Variants in GRID2 observed in about 807,000 individuals in gnomAD.
GRID2 encodes glutamate ionotropic receptor delta type subunit 2.
In GRID2, 33 loss-of-function variants were observed where a neutral mutation model predicts 114.8. The ratio of observed to expected loss-of-function variants is 0.29; its 90% CI spans 0.22 to 0.38. The LOEUF (loss-of-function observed/expected upper bound fraction) is 0.38. GRID2 is among the 10% of genes least tolerant of loss of function. The pLI, the probability that GRID2 is intolerant of heterozygous loss-of-function variation, is 1.00. For synonymous variants in GRID2, 505 were observed against 449.9 expected, an observed-to-expected ratio of 1.12 and a Z score of -1.55; for missense variants, 1,184 against 1,257.7, an observed-to-expected ratio of 0.94 and a Z score of 0.89.
At chr4:93,179,093 G>A (rs1463345638) in intron 4 of GRID2, among the ~76,000 whole-genome samples, 2 of 152,274 alleles carry the variant, frequency 1.3e-5, no homozygotes, top group East Asian at 3.9e-4. Context: ...TTTAATGAGG[G>A]GTTGGGAAGA....
intron 9 of GRID2, among the ~76,000 whole-genome samples, chr4:93,397,497 T>C (rs1765447768): frequency 6.6e-6 from 1 of 151,974 alleles, no homozygotes; most frequent in South Asian, 2.1e-4. Context: ...AATCTTTAAG[T>C]CCAATTAACC....
chr4:92,708,581 A>T (rs978063985), intron 2 of GRID2, among the ~76,000 whole-genome samples: 4 of 152,150 alleles, frequency 2.6e-5, no homozygotes, highest in Non-Finnish European at 5.9e-5. Flanking sequence ...AATTGTGTCT[A>T]ATTTTTTTGG....
At chr4:92,608,376 A>G (rs1002392317) in intron 2 of GRID2, among the ~76,000 whole-genome samples, 1 of 151,826 alleles carries the variant, frequency 6.6e-6, no homozygotes, top group Non-Finnish European at 1.5e-5. Context: ...AAGTAATGAA[A>G]ATGGTTTGAG....
intron 2 of GRID2, among the ~76,000 whole-genome samples, chr4:92,871,888 C>G (rs546102841): frequency 6.6e-6 from 1 of 152,182 alleles, no homozygotes; most frequent in South Asian, 2.1e-4. Context: ...TTGAGGGGCT[C>G]TTTTTCCTGT....
intron 1 of GRID2, among the ~76,000 whole-genome samples, chr4:92,325,317 A>G (rs1726536369): frequency 6.6e-6 from 1 of 151,928 alleles, no homozygotes; most frequent in South Asian, 2.1e-4. Context: ...AAATACATTA[A>G]GTAAATGAAA....
intron 1 of GRID2, among the ~76,000 whole-genome samples, chr4:92,311,065 G>C (rs941112915): frequency 6.6e-6 from 1 of 151,930 alleles, no homozygotes; most frequent in Non-Finnish European, 1.5e-5. Flanking sequence ...TTTTCGTTTT[G>C]TCTATTATTA....
intron 2 of GRID2, among the ~76,000 whole-genome samples, chr4:92,789,870 T>C (rs1158178506): frequency 6.6e-6 from 1 of 152,006 alleles, no homozygotes; most frequent in South Asian, 2.1e-4. Flanking sequence ...TATGAGGGAA[T>C]GCCAACAGTC....
chr4:92,788,495 TAA>T (rs1739422866), intron 2 of GRID2, among the ~76,000 whole-genome samples: 2 of 152,040 alleles, frequency 1.3e-5, no homozygotes, highest in South Asian at 4.1e-4. Context: ...TGTTCATCCT[TAA>T]AAGAGAACAT....
At chr4:92,467,546 C>A (rs910505955) in intron 1 of GRID2, among the ~76,000 whole-genome samples, 1 of 151,642 alleles carries the variant, frequency 6.6e-6, no homozygotes, top group Non-Finnish European at 1.5e-5. Context: ...TGGATATATT[C>A]GAAAAAAATC....
intron 2 of GRID2, among the ~76,000 whole-genome samples, chr4:92,626,192 A>G (rs1730512952): frequency 2.0e-5 from 3 of 152,024 alleles, no homozygotes; most frequent in Non-Finnish European, 4.4e-5. Flanking sequence ...GTCACTTAGC[A>G]TGGGGGTATC....
chr4:92,422,705 A>C (rs1356068064), intron 1 of GRID2, among the ~76,000 whole-genome samples: 3 of 152,120 alleles, frequency 2.0e-5, no homozygotes, highest in African/African-American at 7.2e-5. Flanking sequence ...GCACTGATCT[A>C]GCAAGCAGTT....
intron 1 of GRID2, among the ~76,000 whole-genome samples, chr4:92,370,520 G>C (rs1265688298): frequency 6.6e-6 from 1 of 151,972 alleles, no homozygotes; most frequent in African/African-American, 2.4e-5. Flanking sequence ...CGTGGTGGTG[G>C]GTGCCTGTAG....
At chr4:92,707,923 C>A (rs548262480) in intron 2 of GRID2, among the ~76,000 whole-genome samples, 1 of 152,130 alleles carries the variant, frequency 6.6e-6, no homozygotes, top group East Asian at 1.9e-4. Context: ...AATTAAAAAA[C>A]CAACGAACAA....
At chr4:93,475,713 T>G (rs958921813) in intron 11 of GRID2, among the ~76,000 whole-genome samples, 1 of 152,170 alleles carries the variant, frequency 6.6e-6, no homozygotes, top group Admixed American at 6.6e-5. Flanking sequence ...TGACAACTGC[T>G]GCTTACCCTT....
chr4:92,941,491 C>T (rs1310045832), intron 2 of GRID2, among the ~76,000 whole-genome samples: 1 of 152,020 alleles, frequency 6.6e-6, no homozygotes, highest in African/African-American at 2.4e-5. Flanking sequence ...AGTGTTCTAT[C>T]AATTTTGTTG....
intron 2 of GRID2, among the ~76,000 whole-genome samples, chr4:92,631,922 AT>A (rs769941162): frequency 6.6e-6 from 1 of 152,114 alleles, no homozygotes; most frequent in Non-Finnish European, 1.5e-5. Flanking sequence ...TTTGTGTTCA[AT>A]TTTTTTCTGC....
At chr4:92,987,691 G>T (rs1412839945) in intron 2 of GRID2, among the ~76,000 whole-genome samples, 1 of 152,028 alleles carries the variant, frequency 6.6e-6, no homozygotes, top group Non-Finnish European at 1.5e-5. Context: ...CTAATGAGAT[G>T]ATATGGTTTT....
At position 93,266,333 on chromosome 4, in the gene GRID2, T is replaced by G. The variant is rs563805360; in HGVS notation, c.1245+27843T>G. Among the ~76,000 whole-genome samples, 112 of 152,314 alleles carry G rather than the reference T, an allele frequency of 7.4e-4. 1 individual carries two copies. Among genetic ancestry groups the G allele is most frequent in the African/African-American group, 2.5e-3 (106 of 41,570 alleles). ...CTAATTAAAATGTAGTCTGTAACAC[T>G]GTTTGCTAAAGGAGAGAAAAACAGC... On this transcript the variant is annotated intron_variant, in intron 8 of 15. Coordinates refer to ENST00000282020, the MANE Select transcript of GRID2 (RefSeq NM_001510.4).
At chr4:93,486,500 A>G (rs1364110044) in intron 11 of GRID2, among the ~76,000 whole-genome samples, 2 of 151,768 alleles carry the variant, frequency 1.3e-5, no homozygotes, top group East Asian at 3.9e-4. Context: ...TTATAAAAAT[A>G]ATGAACACTT....
Sources: allele counts gnomAD v4.1 joint callset (sites outside exome capture counted in the v4.1 genomes callset), GRCh38; gene constraint gnomAD v4.1.1; transcripts MANE v1.5; gene names NCBI Gene and HGNC (gene_info 2026-07-23, HGNC 2026-07-21).